CADM2: variants seen among roughly 807,000 people sequenced by gnomAD.
CADM2 encodes cell adhesion molecule 2.
A neutral mutation model predicts 49.8 loss-of-function variants in CADM2; 12 were observed. The observed-to-expected ratio is 0.24, with a 90% CI of 0.15 to 0.39. The LOEUF (loss-of-function observed/expected upper bound fraction) is 0.39. Among genes scored for constraint, CADM2 ranks in the 10% least tolerant of loss-of-function variants. The pLI is 1.00. For missense variants in CADM2, 378 were observed against 492.3 expected (o/e 0.77, Z 2.20); for synonymous variants, 214 against 175.4 (o/e 1.22, Z -1.74).
chr3:85,980,576 A>C (rs925361408), intron 8 of CADM2, among the ~76,000 whole-genome samples: 1 of 151,532 alleles, frequency 6.6e-6, no homozygotes, highest in Non-Finnish European at 1.5e-5. Context: ...GTAAGTGAGA[A>C]GAGTGTGAAG....
At chr3:85,825,321 G>A (rs773484985) in intron 3 of CADM2, among the ~76,000 whole-genome samples, 2 of 152,032 alleles carry the variant, frequency 1.3e-5, no homozygotes, top group Non-Finnish European at 2.9e-5. Context: ...AAGATGAATA[G>A]CTCATGGACC....
intron 1 of CADM2, among the ~76,000 whole-genome samples, chr3:85,308,337 AC>A (rs1319859125): frequency 2.8e-4 from 42 of 148,760 alleles, no homozygotes; most frequent in African/African-American, 1.0e-3. Flanking sequence ...ACACACACAC[AC>A]ACAACACTCC....
At chr3:85,486,150 A>C (rs1388604227) in intron 1 of CADM2, among the ~76,000 whole-genome samples, 1 of 152,148 alleles carries the variant, frequency 6.6e-6, no homozygotes, top group African/African-American at 2.4e-5. Context: ...TATTTAAATG[A>C]TGTAGACATT....
At chr3:85,723,892 G>C (rs1434208677) in intron 1 of CADM2, among the ~76,000 whole-genome samples, 1 of 151,914 alleles carries the variant, frequency 6.6e-6, no homozygotes, top group South Asian at 2.1e-4. Flanking sequence ...TTTTTCAAGT[G>C]ATGAATTTGA....
intron 8 of CADM2, among the ~76,000 whole-genome samples, chr3:86,005,271 G>C (rs1325834004): frequency 6.6e-6 from 1 of 152,058 alleles, no homozygotes; most frequent in Non-Finnish European, 1.5e-5. Flanking sequence ...TAATTTTGTG[G>C]CCGGGCGTGG....
chr3:85,282,985 A>G (rs1330851123), intron 1 of CADM2, among the ~76,000 whole-genome samples: 2 of 152,124 alleles, frequency 1.3e-5, no homozygotes, highest in Non-Finnish European at 2.9e-5. Context: ...CATTCTATGC[A>G]TGTATCAAAA....
chr3:85,911,148 A>T (rs1304112305), intron 5 of CADM2, among the ~76,000 whole-genome samples: 1 of 152,148 alleles, frequency 6.6e-6, no homozygotes, highest in Non-Finnish European at 1.5e-5. Context: ...AATGATGTAA[A>T]AAAATGACAG....
intron 3 of CADM2, among the ~76,000 whole-genome samples, chr3:85,869,382 G>C (rs572031367): frequency 3.9e-5 from 6 of 152,098 alleles, no homozygotes; most frequent in Middle Eastern, 3.4e-3. Flanking sequence ...TATTTTTTCA[G>C]ATACGATGTG....
intron 1 of CADM2, among the ~76,000 whole-genome samples, chr3:85,236,563 A>C (rs1559736377): frequency 6.6e-6 from 1 of 152,134 alleles, no homozygotes; most frequent in Non-Finnish European, 1.5e-5. Context: ...AAGAATACTT[A>C]TTAACTTTTG....
intron 1 of CADM2, among the ~76,000 whole-genome samples, chr3:85,410,216 C>T (rs557326677): frequency 5.3e-5 from 8 of 152,242 alleles, no homozygotes; most frequent in East Asian, 1.9e-4. Context: ...ATATGCATAT[C>T]GCCACTAAGG....
At chr3:85,164,548 A>C (rs2040418415) in intron 1 of CADM2, among the ~76,000 whole-genome samples, 3 of 152,080 alleles carry the variant, frequency 2.0e-5, no homozygotes, top group Admixed American at 6.6e-5. Context: ...TTTGAATTTC[A>C]GTATTTAAAG....
chr3:85,136,777 G>A (rs1168088039), intron 1 of CADM2, among the ~76,000 whole-genome samples: 3 of 151,814 alleles, frequency 2.0e-5, no homozygotes, highest in South Asian at 2.1e-4. Flanking sequence ...ATGTAAGCAA[G>A]CTTACTACAT....
At chr3:85,897,354 C>G (rs1715376372) in intron 5 of CADM2, among the ~76,000 whole-genome samples, 1 of 143,036 alleles carries the variant, frequency 7.0e-6, no homozygotes, top group Non-Finnish European at 1.5e-5. Flanking sequence ...ACTGCAAGCT[C>G]CGCTTCCCGG....
intron 8 of CADM2, chr3:85,993,922 A>G (rs1365659588): frequency 2.6e-5 from 4 of 152,170 alleles, no homozygotes; most frequent in Non-Finnish European, 2.9e-5. Flanking sequence ...GATTAGATAT[A>G]GTATATTTAT....
chr3:85,504,889 C>T (rs2040263345), intron 1 of CADM2, among the ~76,000 whole-genome samples: 1 of 152,172 alleles, frequency 6.6e-6, no homozygotes, highest in African/African-American at 2.4e-5. Flanking sequence ...GCTGGGGGAC[C>T]CAGTACACCC....
intron 1 of CADM2, among the ~76,000 whole-genome samples, chr3:85,340,783 T>C (rs1312672812): frequency 6.8e-6 from 1 of 147,670 alleles, no homozygotes; most frequent in Admixed American, 6.7e-5. Flanking sequence ...CATCCATAAT[T>C]TTTTTTTAAA....
intron 1 of CADM2, among the ~76,000 whole-genome samples, chr3:85,618,781 A>T (rs971375323): frequency 1.3e-5 from 2 of 152,120 alleles, no homozygotes; most frequent in Non-Finnish European, 1.5e-5. Flanking sequence ...ACTGATCAAA[A>T]TTTGTGACAA....
intron 1 of CADM2, among the ~76,000 whole-genome samples, chr3:85,212,658 T>A (rs1576129525): frequency 6.6e-6 from 1 of 151,922 alleles, no homozygotes; most frequent in Admixed American, 6.6e-5. Flanking sequence ...TCTTGAAAAA[T>A]TGTTATAGGT....
At chr3:85,559,698 ATC>A (rs5850698) in intron 1 of CADM2, among the ~76,000 whole-genome samples, 77,530 of 151,544 alleles carry the variant, frequency 0.51, 22,903 homozygotes, top group East Asian at 0.85. Context: ...ATATATATAT[ATC>A]ACTTTTTAAA....
Sources: gnomAD v4.1 joint callset for allele counts (sites outside exome capture counted in the v4.1 genomes callset) on GRCh38, gnomAD v4.1.1 for gene constraint, MANE v1.5 for transcripts, NCBI Gene and HGNC (gene_info 2026-07-23, HGNC 2026-07-21) for gene names.